CDK12: variants seen among roughly 807,000 people sequenced by gnomAD.
The protein encoded by CDK12 is cyclin dependent kinase 12.
In CDK12, 17 loss-of-function variants were observed where a neutral mutation model predicts 133.8. That is an observed-to-expected ratio of 0.13 (90% CI 0.09 to 0.19). The LOEUF (loss-of-function observed/expected upper bound fraction) is 0.19, where lower values mean the gene tolerates loss of function less well. Among genes scored for constraint, CDK12 ranks in the 10% least tolerant of loss-of-function variants. The pLI is 1.00. For missense variants in CDK12, 1,508 were observed against 1,818.7 expected, an observed-to-expected ratio of 0.83 and a Z score of 3.11; for synonymous variants, 694 against 683.6, an observed-to-expected ratio of 1.02 and a Z score of -0.24.
In CDK12 at chr17:39,559,299, T is replaced by G. The variant is rs560083341; in HGVS notation, n.484+2886T>G. ...GTCACAACAACCAGAATATTGACCG[T>G]GATATAACCTACCAGTCATATCCAG... On this transcript the variant is annotated intron_variant and non_coding_transcript_variant, in intron 3 of 3. Transcript: ENST00000558240. Among the ~76,000 whole-genome samples, 14 of 152,344 alleles carry G rather than the reference T, an allele frequency of 9.2e-5. No homozygotes were observed. In the South Asian group the frequency reaches 2.9e-3, roughly 32 times the overall value.
At chr17:39,473,674 A>G (rs1020976196) in intron 2 of CDK12, among the ~76,000 whole-genome samples, 5 of 152,150 alleles carry the variant, frequency 3.3e-5, no homozygotes, top group Non-Finnish European at 7.4e-5. Flanking sequence ...GCGAATCATG[A>G]GGTCAGCAGT....
At position 39,461,574 on chromosome 17, in the gene CDK12, A is replaced by G. The variant is rs747019291; in HGVS notation, c.-498A>G. 255 of 253,398 alleles carry G rather than the reference A, an allele frequency of 1.0e-3. No individual in the cohort carries two copies. The highest frequency in any genetic ancestry group is 1.7e-3 in the Non-Finnish European group (221 of 128,418). 15.7% of individuals were successfully genotyped at this position (253,398 alleles called of 1,614,324 possible). On this transcript the variant is annotated 5_prime_UTR_variant, in exon 1 of 14. Coordinates refer to ENST00000447079, the MANE Select transcript of CDK12 (RefSeq NM_016507.4). ...TGTGGAGGTGAAACGGAGGCAAGAA[A>G]GGGGGCTACCTCAGGAGCGAGGGAC...
chr17:39,546,260 A>T (rs1417917888), upstream of CDK12: 2 of 151,192 alleles, frequency 1.3e-5, no homozygotes, highest in African/African-American at 4.9e-5. Context: ...GCTCACTGCA[A>T]GCTCCGCCTC....
At chr17:39,525,644 G>A (rs953885451) in intron 12 of CDK12, among the ~76,000 whole-genome samples, 1 of 152,142 alleles carries the variant, frequency 6.6e-6, no homozygotes, top group Non-Finnish European at 1.5e-5. Flanking sequence ...TCACTTTTAT[G>A]CACAATCCAG....
chr17:39,518,938 G>A (rs762253472), intron 10 of CDK12, among the ~76,000 whole-genome samples: 12 of 152,146 alleles, frequency 7.9e-5, no homozygotes, highest in South Asian at 2.1e-4. Flanking sequence ...TTTCGCTCTT[G>A]TTGCCCAAGC....
At chr17:39,559,857 TAAA>T (rs56017248) in intron 3 of CDK12, among the ~76,000 whole-genome samples, 4 of 133,940 alleles carry the variant, frequency 3.0e-5, no homozygotes, top group Admixed American at 7.7e-5. Flanking sequence ...GAAAAAATGT[TAAA>T]AAAAAAAAAA....
chr17:39,539,279 C>T (rs1007171219), downstream of CDK12, among the ~76,000 whole-genome samples: 6 of 152,176 alleles, frequency 3.9e-5, no homozygotes, highest in African/African-American at 1.2e-4. Flanking sequence ...CAAAATGGAG[C>T]TTCTCATCCT....
chr17:39,466,145 T>C (rs2049287181), intron 1 of CDK12, among the ~76,000 whole-genome samples: 1 of 151,392 alleles, frequency 6.6e-6, no homozygotes, highest in Non-Finnish European at 1.5e-5. Context: ...CCGTCCCTAC[T>C]AAAAATACAA....
chr17:39,506,291 C>T (rs1161793877), intron 6 of CDK12, among the ~76,000 whole-genome samples: 1 of 148,490 alleles, frequency 6.7e-6, no homozygotes, highest in African/African-American at 2.5e-5. Flanking sequence ...TCTCGGCTCA[C>T]TGCAACCTCT....
intron 8 of CDK12, among the ~76,000 whole-genome samples, chr17:39,514,929 C>A (rs1598131207): frequency 6.6e-6 from 1 of 152,218 alleles, no homozygotes; most frequent in East Asian, 1.9e-4. Flanking sequence ...CATTCTGTCA[C>A]TATAATTTCT....
chr17:39,531,741 T>A lies in CDK12; in HGVS notation c.*425T>A, dbSNP rs1212557854. On this transcript the variant is annotated 3_prime_UTR_variant, in exon 14 of 14. Coordinates refer to ENST00000447079, the MANE Select transcript of CDK12 (RefSeq NM_016507.4). ...TTGTGTGTGGTTTCTTTCTTTTGAATTTTAATTTAGGTGTTTTGGGTTTTT... is the reference window on the plus strand; with the variant it reads ...TTGTGTGTGGTTTCTTTCTTTTGAAATTTAATTTAGGTGTTTTGGGTTTTT... 4.2e-6 allele frequency: 1 copy of A among 238,752 alleles called. No homozygotes were observed. Among genetic ancestry groups the A allele is most frequent in the African/African-American group, 2.2e-5 (1 of 45,538 alleles). 14.8% of individuals were successfully genotyped at this position (238,752 alleles called of 1,614,324 possible).
intron 5 of CDK12, 46 bp from the exon 6 acceptor site, chr17:39,501,204 A>G (rs752661521): frequency 4.6e-5 from 60 of 1,314,858 alleles, no homozygotes; most frequent in Non-Finnish European, 6.0e-5. Flanking sequence ...TTATTTCAGC[A>G]TTCTTTTTTT....
Position 39,462,028 on chromosome 17 carries a change from G to A in CDK12, c.-44G>A. Reference sequence around the variant, plus strand: ...GGGTGGGTGGGGGTTGCTTTTTGGAGTGCTGGGGAACTTTTTTCCCTTCTT... The same window carrying A: ...GGGTGGGTGGGGGTTGCTTTTTGGAATGCTGGGGAACTTTTTTCCCTTCTT... On this transcript the variant is annotated 5_prime_UTR_variant, in exon 1 of 14. In the 5' UTR this introduces an upstream ATG that the reference lacks. Coordinates refer to ENST00000447079, the MANE Select transcript of CDK12 (RefSeq NM_016507.4). 6.5e-7 allele frequency: 1 copy of A among 1,543,866 alleles called. No homozygotes were observed. Among genetic ancestry groups the A allele is most frequent in the Non-Finnish European group, 8.9e-7 (1 of 1,129,604 alleles).
chr17:39,515,715 A>G lies in CDK12; in HGVS notation c.2769-16A>G, dbSNP rs2053760356. 6.3e-7 allele frequency: 1 copy of G among 1,585,760 alleles called. No individual in the cohort carries two copies. Among genetic ancestry groups the G allele is most frequent in the Non-Finnish European group, 8.6e-7 (1 of 1,156,136 alleles). On this transcript the variant is annotated splice_polypyrimidine_tract_variant and intron_variant, in intron 8 of 13. Transcript: ENST00000447079. ...TAAGAATTTCTCTTCTGACCTCTCA[A>G]TTTTACCTTTTCTAGATGTATTCTT...
chr17:39,517,312 A>G (rs940138874), intron 9 of CDK12, 128 bp from the exon 10 acceptor site: 4 of 646,196 alleles, frequency 6.2e-6, no homozygotes, highest in African/African-American at 3.6e-5. Flanking sequence ...TCCTTTCTGC[A>G]TGCCCTGTAA....
At chr17:39,541,752 C>T (rs1032451034) in intron 1 of CDK12, among the ~76,000 whole-genome samples, 3 of 152,212 alleles carry the variant, frequency 2.0e-5, no homozygotes, top group Non-Finnish European at 4.4e-5. Context: ...GGGAGTTTCT[C>T]TGCAGTGGCC....
In CDK12 at chr17:39,519,951, C is replaced by T. The variant is rs1049548492; in HGVS notation, c.2964-5C>T. ...AACTTGTCCTTTCTGTGTTCTTTTCCATAGCATTCCTTCTGCAGCACTTGA... is the reference window on the plus strand; with the variant it reads ...AACTTGTCCTTTCTGTGTTCTTTTCTATAGCATTCCTTCTGCAGCACTTGA... On this transcript the variant is annotated splice_polypyrimidine_tract_variant and splice_region_variant and intron_variant, in intron 10 of 13. Coordinates refer to ENST00000447079, the MANE Select transcript of CDK12 (RefSeq NM_016507.4). 6.2e-7 allele frequency: 1 copy of T among 1,613,516 alleles called. No homozygotes were observed. Among genetic ancestry groups the T allele is most frequent in the Non-Finnish European group, 8.5e-7 (1 of 1,179,720 alleles).
chr17:39,544,154 A>G (rs2055557807), upstream of CDK12: 2 of 470,822 alleles, frequency 4.2e-6, no homozygotes, highest in African/African-American at 2.0e-5. Context: ...ACTGTTACCT[A>G]CCAATGGATG....
At chr17:39,503,894 G>GA (rs2052907583) in intron 6 of CDK12, among the ~76,000 whole-genome samples, 1 of 152,134 alleles carries the variant, frequency 6.6e-6, no homozygotes, top group Non-Finnish European at 1.5e-5. Flanking sequence ...ATTTTATATA[G>GA]AAGAGAGACA....
Sources: gnomAD v4.1 joint callset for allele counts (sites outside exome capture counted in the v4.1 genomes callset) on GRCh38, gnomAD v4.1.1 for gene constraint, MANE v1.5 for transcripts, NCBI Gene and HGNC (gene_info 2026-07-23, HGNC 2026-07-21) for gene names.